Variants in RPS6KC1 observed in about 807,000 individuals in gnomAD.
The protein encoded by RPS6KC1 is ribosomal protein S6 kinase C1.
In RPS6KC1, 54 loss-of-function variants were observed where a neutral mutation model predicts 103.8. The ratio of observed to expected loss-of-function variants is 0.52; its 90% CI spans 0.42 to 0.65. RPS6KC1 has a LOEUF of 0.65. Ranked by LOEUF, RPS6KC1 falls within the 30% of genes least tolerant of loss-of-function variation. RPS6KC1 has a pLI of 0.00. For missense variants in RPS6KC1, 1,151 were observed against 1,253.8 expected, an observed-to-expected ratio of 0.92 and a Z score of 1.24; for synonymous variants, 439 against 438.7, an observed-to-expected ratio of 1.00 and a Z score of -0.01.
At chr1:213,631,338 C>T in the RPS6KC1 span, among the ~76,000 whole-genome samples, 23 of 149,814 alleles carry the variant, frequency 1.5e-4, no homozygotes, top group African/African-American at 2.7e-4. Context: ...TGTTCCTATT[C>T]GGCCATCTTG....
the RPS6KC1 span, among the ~76,000 whole-genome samples, chr1:213,362,606 G>T: frequency 6.6e-5 from 10 of 152,300 alleles, no homozygotes; most frequent in South Asian, 1.0e-3. Flanking sequence ...CGAGTAAGAA[G>T]ATTACATATA....
At position 213,176,454 on chromosome 1, in the gene RPS6KC1, G is replaced by A. The variant is rs1371867012; in HGVS notation, c.1006G>A (p.Glu336Lys). ...TTGGAACCTAAGGAGCCCTGCCGAG[G>A]AGCTGAAGGCCTTCAGAGTCCTTGG... ...PLWNLRSPAEELKAFRVLGVI... is the reference protein window; with the variant it reads ...PLWNLRSPAEKLKAFRVLGVI... Residue 336 changes from glutamate (E) to lysine (K), a missense_variant, in exon 8 of 15, where the codon GAG (glutamate) becomes AAG (lysine). Transcript: ENST00000366960. 1.4e-5 allele frequency: 22 copies of A among 1,609,138 alleles called. No individual in the cohort carries two copies. Among genetic ancestry groups the A allele is most frequent in the Non-Finnish European group, 1.9e-5 (22 of 1,176,324 alleles).
chr1:213,645,589 G>A, the RPS6KC1 span, among the ~76,000 whole-genome samples: 1 of 152,148 alleles, frequency 6.6e-6, no homozygotes, highest in African/African-American at 2.4e-5. Context: ...GGTAGGGTCT[G>A]TACCTCTCCT....
chr1:213,562,998 A>G, the RPS6KC1 span, among the ~76,000 whole-genome samples: 1 of 152,080 alleles, frequency 6.6e-6, no homozygotes, highest in Non-Finnish European at 1.5e-5. Flanking sequence ...AAAGTTTGTT[A>G]ATGGTGTTGT....
At chr1:213,205,558 A>C (rs942046866) in intron 8 of RPS6KC1, among the ~76,000 whole-genome samples, 6 of 138,080 alleles carry the variant, frequency 4.3e-5, no homozygotes, top group Non-Finnish European at 7.9e-5. Flanking sequence ...ATATATATAT[A>C]TATATATATT....
chr1:213,598,097 C>A, the RPS6KC1 span, among the ~76,000 whole-genome samples: 2 of 152,316 alleles, frequency 1.3e-5, no homozygotes, highest in Non-Finnish European at 1.5e-5. Flanking sequence ...AGCCCCACAA[C>A]TTGTAGAAAC....
At chr1:213,745,024 G>A in the RPS6KC1 span, among the ~76,000 whole-genome samples, 6 of 152,172 alleles carry the variant, frequency 3.9e-5, no homozygotes, top group African/African-American at 1.4e-4. Flanking sequence ...CAAACACGCT[G>A]GCAGTGGTGT....
chr1:213,326,568 A>AC, the RPS6KC1 span, among the ~76,000 whole-genome samples: 11 of 151,942 alleles, frequency 7.2e-5, no homozygotes, highest in South Asian at 1.3e-3. Context: ...TTCACCTATT[A>AC]CCCCCCCAAA....
At chr1:213,753,760 A>G in the RPS6KC1 span, among the ~76,000 whole-genome samples, 3 of 152,168 alleles carry the variant, frequency 2.0e-5, no homozygotes, top group Non-Finnish European at 4.4e-5. Flanking sequence ...CCCCGACTTC[A>G]ACTCCCATCT....
chr1:213,439,234 C>G, the RPS6KC1 span, among the ~76,000 whole-genome samples: 1 of 152,072 alleles, frequency 6.6e-6, no homozygotes, highest in African/African-American at 2.4e-5. Context: ...CAGGAAAAAC[C>G]AGCACAGAAA....
the RPS6KC1 span, among the ~76,000 whole-genome samples, chr1:213,643,614 C>A: frequency 3.3e-5 from 5 of 151,214 alleles, no homozygotes; most frequent in Non-Finnish European, 1.5e-5. Flanking sequence ...TTTAGTATTC[C>A]CCTCCCTCCC....
the RPS6KC1 span, among the ~76,000 whole-genome samples, chr1:213,721,063 G>A: frequency 6.6e-6 from 1 of 152,194 alleles, no homozygotes; most frequent in Non-Finnish European, 1.5e-5. Flanking sequence ...TGGGGCAAAG[G>A]AAAGTGTAGA....
the RPS6KC1 span, among the ~76,000 whole-genome samples, chr1:213,602,220 TCTTC>T: frequency 2.6e-5 from 3 of 113,528 alleles, no homozygotes; most frequent in Non-Finnish European, 5.2e-5. Flanking sequence ...CTCCATTCCT[TCTTC>T]CTTCCTTCCT....
the RPS6KC1 span, among the ~76,000 whole-genome samples, chr1:213,409,228 G>A: frequency 6.6e-6 from 1 of 152,004 alleles, no homozygotes; most frequent in Admixed American, 6.6e-5. Flanking sequence ...TGGTGCTAAA[G>A]TTATTGCGGT....
the RPS6KC1 span, among the ~76,000 whole-genome samples, chr1:213,559,504 A>G: frequency 1.3e-5 from 2 of 152,236 alleles, no homozygotes; most frequent in African/African-American, 2.4e-5. Context: ...GGAGAATGAT[A>G]GGACCTATAA....
At chr1:213,755,673 A>G in the RPS6KC1 span, among the ~76,000 whole-genome samples, 46 of 152,298 alleles carry the variant, frequency 3.0e-4, no homozygotes, top group African/African-American at 1.1e-3. Context: ...CTTGTCCTAT[A>G]TATGGAAACT....
At chr1:213,216,330 A>T (rs1412798997) in intron 8 of RPS6KC1, among the ~76,000 whole-genome samples, 1 of 152,242 alleles carries the variant, frequency 6.6e-6, no homozygotes, top group Non-Finnish European at 1.5e-5. Flanking sequence ...ACTATCTTAA[A>T]TATATATGCA....
At chr1:213,423,336 A>G in the RPS6KC1 span, among the ~76,000 whole-genome samples, 1 of 152,090 alleles carries the variant, frequency 6.6e-6, no homozygotes, top group Non-Finnish European at 1.5e-5. Context: ...GGCTCATTTC[A>G]CCCCATTCTT....
chr1:213,292,925 C>T, the RPS6KC1 span, among the ~76,000 whole-genome samples: 1 of 152,172 alleles, frequency 6.6e-6, no homozygotes, highest in Admixed American at 6.5e-5. Flanking sequence ...CAGACCTCCT[C>T]TTTGAATCAC....
Sources: gnomAD v4.1 joint callset for allele counts (sites outside exome capture counted in the v4.1 genomes callset) on GRCh38, gnomAD v4.1.1 for gene constraint, MANE v1.5 for transcripts, NCBI Gene and HGNC (gene_info 2026-07-23, HGNC 2026-07-21) for gene names.